Variants in KIRREL3 observed in about 807,000 individuals in gnomAD.
The protein encoded by KIRREL3 is kin of IRRE-like protein 3.
A neutral mutation model predicts 89.7 loss-of-function variants in KIRREL3; 36 were observed. That is an observed-to-expected ratio of 0.40 (90% confidence interval 0.31 to 0.53). KIRREL3 has a LOEUF of 0.53. Ranked by LOEUF, KIRREL3 falls within the 20% of genes least tolerant of loss-of-function variation. The pLI is 0.49. For synonymous variants in KIRREL3, 445 were observed against 441.4 expected, an observed-to-expected ratio of 1.01 and a Z score of -0.10; for missense variants, 864 against 1,056.6, an observed-to-expected ratio of 0.82 and a Z score of 2.53.
rs148156207 is a variant in KIRREL3 at position 126,489,182 on chromosome 11, C to T, written c.434-15716G>A. 2.1e-3 allele frequency among the ~76,000 whole-genome samples: 317 copies of T among 152,280 alleles called. 1 individual carries two copies. The highest frequency in any genetic ancestry group is 7.4e-3 in the African/African-American group (306 of 41,564). ...ACGGAAGCTGTAGATGGATGCGCTG[C>T]GTTTGCGGTGGAGAGCCGGCTGCAT... On this transcript the variant is annotated intron_variant, in intron 4 of 16. Transcript: ENST00000525144. The surrounding 1 kb of genome is among the most constrained non-coding windows in gnomAD (Gnocchi z 5.5).
rs948976686 is a variant in KIRREL3, at chr11:126,817,231, T to C, written c.55+183224A>G. ...CAGAGGGGATAAACAGCTCACCCTG[T>C]TGAGGATGTTTACTTTTGCATCTGT... is the stretch of plus-strand genomic sequence containing the variant. On this transcript the variant is annotated intron_variant, in intron 1 of 16. Coordinates refer to ENST00000525144, the MANE Select transcript of KIRREL3 (RefSeq NM_032531.4). This position sits in a 1 kb window ranked among gnomAD's most constrained non-coding sequence, Gnocchi z 5.7. 1.3e-5 allele frequency among the ~76,000 whole-genome samples: 2 copies of C among 152,154 alleles called. No homozygotes were observed. The highest frequency in any genetic ancestry group is 6.5e-5 in the Admixed American group (1 of 15,278).
intron 1 of KIRREL3, among the ~76,000 whole-genome samples, chr11:126,959,050 C>T (rs1466086990): frequency 1.3e-5 from 2 of 152,216 alleles, no homozygotes; most frequent in Admixed American, 6.5e-5. Context: ...CTCTCTCTCT[C>T]TCTCTCCCCT....
Position 126,443,649 on chromosome 11 carries a change from A to G in KIRREL3, c.1252+1330T>C, listed in dbSNP as rs1214921582. ...TGGTGAATGGAGACAGTAGAGAGGT[A>G]TGGCTGAGGAGACACCAAGCTGGTT... On this transcript the variant is annotated intron_variant, in intron 10 of 16. Coordinates refer to ENST00000525144, the MANE Select transcript of KIRREL3 (RefSeq NM_032531.4). The surrounding 1 kb of genome is among the most constrained non-coding windows in gnomAD (Gnocchi z 7.3). Among the ~76,000 whole-genome samples, 1 of 152,036 alleles carries G rather than the reference A, an allele frequency of 6.6e-6. No individual in the cohort carries two copies. Among genetic ancestry groups the G allele is most frequent in the African/African-American group, 2.4e-5 (1 of 41,396 alleles).
rs766240215 is a variant in KIRREL3 at position 126,780,306 on chromosome 11, G to T, written c.56-217394C>A. Among the ~76,000 whole-genome samples the T allele has an allele frequency of 1.6e-4, 25 of 152,298 alleles. No homozygotes were observed. The highest frequency in any genetic ancestry group is 3.1e-4 in the Non-Finnish European group (21 of 68,038). The stretch of plus-strand genomic sequence containing the variant: ...CTTCCGAGTCCACTAGAGAAGTGTG[G>T]CACAGGAGAGAGCCTTAGCTTTTTA... On this transcript the variant is annotated intron_variant, in intron 1 of 16. Coordinates refer to ENST00000525144, the MANE Select transcript of KIRREL3 (RefSeq NM_032531.4). This position sits in a 1 kb window ranked among gnomAD's most constrained non-coding sequence, Gnocchi z 5.3.
At position 126,605,157 on chromosome 11, in the gene KIRREL3, T is replaced by C; in HGVS notation, c.56-42245A>G. On this transcript the variant is annotated intron_variant, in intron 1 of 16. Coordinates refer to ENST00000525144, the MANE Select transcript of KIRREL3 (RefSeq NM_032531.4). The surrounding 1 kb of genome is among the most constrained non-coding windows in gnomAD (Gnocchi z 5.7). ...TTGGCTTTTCTCCTGGATTCCCTGC[T>C]CTCCCATCTGCAGCAGGTTGGGGCC... Among the ~76,000 whole-genome samples, 1 of 152,134 alleles carries C rather than the reference T, an allele frequency of 6.6e-6. No homozygotes were observed. Among genetic ancestry groups the C allele is most frequent in the East Asian group, 1.9e-4 (1 of 5,182 alleles).
rs1438435880 is a variant in KIRREL3 at position 126,609,107 on chromosome 11, A to T, written c.56-46195T>A. On this transcript the variant is annotated intron_variant, in intron 1 of 16. Transcript: ENST00000525144. The surrounding 1 kb of genome is among the most constrained non-coding windows in gnomAD (Gnocchi z 5.0). ...CTCAACTCTGCATGGAATTGTGCTG[A>T]ATTGAGGAGCACTGCAGCGAGACCT... Among the ~76,000 whole-genome samples, 1 of 152,122 alleles carries T rather than the reference A, an allele frequency of 6.6e-6. No individual in the cohort carries two copies. The highest frequency in any genetic ancestry group is 1.5e-5 in the Non-Finnish European group (1 of 68,014).
At chr11:126,618,480 G>T (rs987071950) in intron 1 of KIRREL3, among the ~76,000 whole-genome samples, 11 of 151,988 alleles carry the variant, frequency 7.2e-5, no homozygotes, top group African/African-American at 2.4e-4. Flanking sequence ...TGTCACCCAG[G>T]TTGGAGTGCA....
In KIRREL3 at chr11:126,808,038, G is replaced by A. The variant is rs1311296808; in HGVS notation, c.55+192417C>T. 6.6e-6 allele frequency among the ~76,000 whole-genome samples: 1 copy of A among 152,200 alleles called. No homozygotes were observed. The highest frequency in any genetic ancestry group is 1.5e-5 in the Non-Finnish European group (1 of 68,040). ...ATAAATGGGGAAAGAATGAATGTCTGAACTAGTGTGGATTAGGAGGAAGGT... is the reference window on the plus strand; with the variant it reads ...ATAAATGGGGAAAGAATGAATGTCTAAACTAGTGTGGATTAGGAGGAAGGT... On this transcript the variant is annotated intron_variant, in intron 1 of 16. Transcript: ENST00000525144. This position sits in a 1 kb window ranked among gnomAD's most constrained non-coding sequence, Gnocchi z 4.1.
At chr11:126,962,890 T>C (rs1862268200) in intron 1 of KIRREL3, among the ~76,000 whole-genome samples, 1 of 152,188 alleles carries the variant, frequency 6.6e-6, no homozygotes, top group African/African-American at 2.4e-5. Flanking sequence ...TTATAACTCG[T>C]TAAAGGCTCA....
chr11:126,958,670 G>C (rs1323595567), intron 1 of KIRREL3, among the ~76,000 whole-genome samples: 4 of 152,190 alleles, frequency 2.6e-5, no homozygotes, highest in South Asian at 4.1e-4. Flanking sequence ...GCTTAATCAT[G>C]ATAACCTGTG....
chr11:126,476,651 TGGGGGTGGGGGCTG>T lies in KIRREL3; in HGVS notation c.434-3199_434-3186del, dbSNP rs1467657039. ...GGTCTTCGCTTCACTGCACACCAGA[TGGGGGTGGGGGCTG>T]GGGGGGGGTGGGGGTTGGTGAGGAT... is the stretch of plus-strand genomic sequence containing the variant. On this transcript the variant is annotated intron_variant, in intron 4 of 16. Transcript: ENST00000525144. This position sits in a 1 kb window ranked among gnomAD's most constrained non-coding sequence, Gnocchi z 6.4. 2.7e-4 allele frequency among the ~76,000 whole-genome samples: 2 copies of T among 7,298 alleles called. No individual in the cohort carries two copies. Among genetic ancestry groups the T allele is most frequent in the East Asian group, 6.1e-3 (2 of 330 alleles). 4.8% of individuals were successfully genotyped at this position (7,298 alleles called of 152,430 possible).
Position 126,969,347 on chromosome 11 carries a change from C to T in KIRREL3, c.55+31108G>A, listed in dbSNP as rs1363783527. On this transcript the variant is annotated intron_variant, in intron 1 of 16. Coordinates refer to ENST00000525144, the MANE Select transcript of KIRREL3 (RefSeq NM_032531.4). The surrounding 1 kb of genome is among the most constrained non-coding windows in gnomAD (Gnocchi z 4.9). ...GGAGAGAGTTGTCCACTGGGGAAAA[C>T]GCCTGGGCAATTCCCTGCAGTGTGG... is the stretch of plus-strand genomic sequence containing the variant. Among the ~76,000 whole-genome samples the T allele has an allele frequency of 2.0e-5, 3 of 152,024 alleles. No homozygotes were observed. Among genetic ancestry groups the T allele is most frequent in the Non-Finnish European group, 2.9e-5 (2 of 68,024 alleles).
At chr11:126,880,485 C>A (rs1249512492) in intron 1 of KIRREL3, among the ~76,000 whole-genome samples, 3 of 152,168 alleles carry the variant, frequency 2.0e-5, no homozygotes, top group African/African-American at 7.2e-5. Context: ...ATTTTAGATT[C>A]TACTGCTAGG....
chr11:126,507,943 G>A (rs980707033), intron 4 of KIRREL3, among the ~76,000 whole-genome samples: 1 of 152,090 alleles, frequency 6.6e-6, no homozygotes. Flanking sequence ...CTTAGTTGAC[G>A]CATCTTTAAA....
intron 4 of KIRREL3, 44 bp from the exon 5 acceptor site, chr11:126,473,510 C>A: frequency 6.8e-7 from 1 of 1,479,862 alleles, no homozygotes; most frequent in Admixed American, 2.0e-5. Flanking sequence ...GCTCCCACCT[C>A]GGGCAGGACG....
intron 1 of KIRREL3, among the ~76,000 whole-genome samples, chr11:126,745,187 A>C (rs1949103341): frequency 6.6e-6 from 1 of 152,134 alleles, no homozygotes; most frequent in South Asian, 2.1e-4. Context: ...AAAGGCTCTG[A>C]ATTTGAGCTG....
chr11:126,874,533 T>C, intron 1 of KIRREL3, among the ~76,000 whole-genome samples: 1 of 152,216 alleles, frequency 6.6e-6, no homozygotes, highest in East Asian at 1.9e-4. Context: ...ATCTCACTCA[T>C]TTGCATTCTG....
rs542042309 is a variant in KIRREL3 at position 126,782,788 on chromosome 11, T to C, written c.55+217667A>G. ...ATGTATGGAAATATTTATAGCTATG[T>C]ATATGTGAGGGCTAATATACACACA... On this transcript the variant is annotated intron_variant, in intron 1 of 16. Transcript: ENST00000525144. The surrounding 1 kb of genome is among the most constrained non-coding windows in gnomAD (Gnocchi z 4.1). Among the ~76,000 whole-genome samples, 4 of 152,224 alleles carry C rather than the reference T, an allele frequency of 2.6e-5. No homozygotes were observed. Among genetic ancestry groups the C allele is most frequent in the Non-Finnish European group, 4.4e-5 (3 of 68,042 alleles).
At chr11:126,928,467 G>A (rs1261760227) in intron 1 of KIRREL3, among the ~76,000 whole-genome samples, 4 of 152,220 alleles carry the variant, frequency 2.6e-5, no homozygotes, top group African/African-American at 4.8e-5. Flanking sequence ...GGCTGGTTTT[G>A]GAAAGACAGC....
Sources: gnomAD v4.1 joint callset for allele counts (sites outside exome capture counted in the v4.1 genomes callset) on GRCh38, gnomAD v4.1.1 for gene constraint, Gnocchi (gnomAD v3.1) non-coding constraint, MANE v1.5 for transcripts, NCBI Gene and HGNC (gene_info 2026-07-23, HGNC 2026-07-21) for gene names.